ASIC2: variants seen among roughly 807,000 people sequenced by gnomAD.
ASIC2 encodes the protein acid sensing ion channel subunit 2, also known as acid-sensing ion channel 2.
ASIC2 carries 25 observed loss-of-function variants against 57.3 expected under a neutral mutation model. The observed-to-expected ratio is 0.44, with a 90% confidence interval of 0.32 to 0.61. The LOEUF (loss-of-function observed/expected upper bound fraction) is 0.61, where lower values mean the gene tolerates loss of function less well. Among genes scored for constraint, ASIC2 ranks in the 20% least tolerant of loss-of-function variants. ASIC2 has a pLI of 0.06. For missense variants in ASIC2, 641 were observed against 738.1 expected (o/e 0.87, Z 1.52); for synonymous variants, 319 against 307.5 (o/e 1.04, Z -0.39).
rs376225411 is a variant in ASIC2, at chr17:33,152,265, T to C, written c.709-40198A>G. 5.9e-5 allele frequency among the ~76,000 whole-genome samples: 9 copies of C among 152,204 alleles called. No homozygotes were observed. In the East Asian group the frequency reaches 1.7e-3, roughly 29 times the overall value. On this transcript the variant is annotated intron_variant, in intron 1 of 9. Coordinates refer to ENST00000225823, the MANE Select transcript of ASIC2 (RefSeq NM_183377.2). The stretch of plus-strand genomic sequence containing the variant: ...TACTAGACACAATGTGGTTGGTCTA[T>C]GGGAGGGAGTATCAGGAAGCATGAG...
chr17:34,038,220 T>C, intron 1 of ASIC2: 1 of 1,612,172 alleles, frequency 6.2e-7, no homozygotes, highest in Non-Finnish European at 8.5e-7. Flanking sequence ...GCATTCACAA[T>C]CTGCATGATA....
At chr17:33,451,997 C>T (rs1912269546) in intron 1 of ASIC2, among the ~76,000 whole-genome samples, 1 of 152,220 alleles carries the variant, frequency 6.6e-6, no homozygotes, top group African/African-American at 2.4e-5. Context: ...ACGCAGTACA[C>T]ATTCACCAGA....
At chr17:33,716,150 C>T (rs1909211970) in intron 1 of ASIC2, among the ~76,000 whole-genome samples, 1 of 152,216 alleles carries the variant, frequency 6.6e-6, no homozygotes, top group Non-Finnish European at 1.5e-5. Flanking sequence ...CTTATTTAGC[C>T]TGCAGGAACA....
chr17:33,991,583 G>T (rs1029671702), intron 1 of ASIC2, among the ~76,000 whole-genome samples: 1 of 152,170 alleles, frequency 6.6e-6, no homozygotes, highest in African/African-American at 2.4e-5. Flanking sequence ...TAACCACATG[G>T]TCTGGCCTCC....
At chr17:33,882,809 C>T (rs1260897592) in intron 1 of ASIC2, among the ~76,000 whole-genome samples, 9 of 152,108 alleles carry the variant, frequency 5.9e-5, no homozygotes, top group Admixed American at 6.6e-5. Context: ...CACATGCACA[C>T]GTATGTTTAT....
intron 1 of ASIC2, among the ~76,000 whole-genome samples, chr17:33,442,606 G>T (rs941917322): frequency 1.3e-5 from 2 of 151,918 alleles, no homozygotes; most frequent in African/African-American, 4.8e-5. Context: ...TTGAAAAGAT[G>T]ATCTTATATC....
At chr17:33,894,350 CGTGTGTGT>C (rs201934419) in intron 1 of ASIC2, among the ~76,000 whole-genome samples, 482 of 138,606 alleles carry the variant, frequency 3.5e-3, no homozygotes, top group African/African-American at 0.012. Context: ...TGCGTGCGTG[CGTGTGTGT>C]GTGTGTGTGT....
At chr17:33,840,337 G>T (rs1913396166) in intron 1 of ASIC2, among the ~76,000 whole-genome samples, 1 of 152,100 alleles carries the variant, frequency 6.6e-6, no homozygotes. Flanking sequence ...TTCTGGGGAG[G>T]GGTTTTTGAG....
chr17:33,354,647 T>C (rs1449447544), intron 1 of ASIC2, among the ~76,000 whole-genome samples: 4 of 152,000 alleles, frequency 2.6e-5, no homozygotes, highest in Admixed American at 6.6e-5. Context: ...CTTCCTCTAC[T>C]GGGAACATTC....
intron 1 of ASIC2, among the ~76,000 whole-genome samples, chr17:33,545,351 G>A (rs1027666882): frequency 6.6e-6 from 1 of 152,080 alleles, no homozygotes; most frequent in African/African-American, 2.4e-5. Context: ...GTGACTTGCT[G>A]TCTGACAGTG....
chr17:33,734,423 C>A (rs547634809), intron 1 of ASIC2, among the ~76,000 whole-genome samples: 49 of 152,208 alleles, frequency 3.2e-4, no homozygotes, highest in Non-Finnish European at 6.3e-4. Context: ...ATAGTCATTT[C>A]TCTCTCTGTA....
At chr17:34,088,071 C>T (rs1910177681) in intron 1 of ASIC2, among the ~76,000 whole-genome samples, 1 of 152,226 alleles carries the variant, frequency 6.6e-6, no homozygotes, top group Non-Finnish European at 1.5e-5. Flanking sequence ...AGCTTTGTTC[C>T]ATTGCTGGTG....
chr17:33,620,130 T>C (rs1905737989), intron 1 of ASIC2, among the ~76,000 whole-genome samples: 2 of 151,764 alleles, frequency 1.3e-5, no homozygotes, highest in South Asian at 4.2e-4. Context: ...TGAACCTGTT[T>C]GTTAAAAAAT....
chr17:34,099,108 G>A (rs78761228), intron 1 of ASIC2, among the ~76,000 whole-genome samples: 2,914 of 26,660 alleles, frequency 0.11, 222 homozygotes, highest in African/African-American at 0.27. Flanking sequence ...AGAAAAGAGA[G>A]AGAGAGAGAG....
At chr17:33,847,188 G>A (rs531221167) in intron 1 of ASIC2, among the ~76,000 whole-genome samples, 40 of 151,654 alleles carry the variant, frequency 2.6e-4, no homozygotes, top group African/African-American at 9.7e-4. Context: ...AGCCTTACAG[G>A]AGAAAGTTTC....
chr17:33,578,492 A>C (rs77228198), intron 1 of ASIC2, among the ~76,000 whole-genome samples: 2 of 152,204 alleles, frequency 1.3e-5, no homozygotes, highest in African/African-American at 4.8e-5. Flanking sequence ...TGGGTGGGCG[A>C]GACAATTGGG....
chr17:33,967,392 T>C (rs1225592659), intron 1 of ASIC2, among the ~76,000 whole-genome samples: 1 of 152,068 alleles, frequency 6.6e-6, no homozygotes, highest in Non-Finnish European at 1.5e-5. Flanking sequence ...TGCACTACCA[T>C]GCATGGCTAA....
chr17:34,088,482 G>A (rs1290432493), intron 1 of ASIC2, among the ~76,000 whole-genome samples: 3 of 152,216 alleles, frequency 2.0e-5, no homozygotes, highest in Admixed American at 6.5e-5. Context: ...AGGCTGCTCA[G>A]GGGTCAGGGA....
intron 1 of ASIC2, among the ~76,000 whole-genome samples, chr17:33,657,993 C>T (rs976355886): frequency 1.3e-5 from 2 of 152,174 alleles, no homozygotes; most frequent in Non-Finnish European, 2.9e-5. Flanking sequence ...GACACATGCC[C>T]TCTGCCTACT....
Sources: gnomAD v4.1 joint callset for allele counts (sites outside exome capture counted in the v4.1 genomes callset) on GRCh38, gnomAD v4.1.1 for gene constraint, MANE v1.5 for transcripts, NCBI Gene and HGNC (gene_info 2026-07-23, HGNC 2026-07-21) for gene names.